Variants in ABCC4 observed in about 807,000 individuals in gnomAD.
The protein encoded by ABCC4 is ATP-binding cassette sub-family C member 4.
A neutral mutation model predicts 168.5 loss-of-function variants in ABCC4; 102 were observed. The observed-to-expected ratio is 0.61, with a 90% confidence interval of 0.52 to 0.71. ABCC4 has a LOEUF of 0.71. Ranked by LOEUF, ABCC4 falls within the 30% of genes least tolerant of loss-of-function variation. The probability of loss-of-function intolerance (pLI) is 0.00; values close to 1 mark genes in which losing one functional copy is unlikely to be tolerated. For missense variants in ABCC4, 1,402 were observed against 1,605.8 expected (o/e 0.87, Z 2.17); for synonymous variants, 617 against 590.7 (o/e 1.04, Z -0.65).
chr13:95,219,869 C>T (rs201996606), intron 4 of ABCC4, among the ~76,000 whole-genome samples: 4 of 65,934 alleles, frequency 6.1e-5, no homozygotes, highest in Non-Finnish European at 8.2e-5. Flanking sequence ...CTTTTTTTTT[C>T]CCCCCGAGAC....
At chr13:95,129,156 CCT>C (rs1468564926) in intron 19 of ABCC4, among the ~76,000 whole-genome samples, 1 of 152,124 alleles carries the variant, frequency 6.6e-6, no homozygotes, top group Non-Finnish European at 1.5e-5. Flanking sequence ...ATTGCATTTA[CCT>C]CTCTTTAAAG....
intron 1 of ABCC4, among the ~76,000 whole-genome samples, chr13:95,271,134 T>C (rs992272971): frequency 6.6e-5 from 10 of 151,992 alleles, no homozygotes; most frequent in African/African-American, 2.4e-4. Flanking sequence ...AGTGGAAAAA[T>C]ACACCCAAGA....
At chr13:95,127,348 C>G (rs572782498) in intron 19 of ABCC4, among the ~76,000 whole-genome samples, 1 of 152,028 alleles carries the variant, frequency 6.6e-6, no homozygotes, top group Admixed American at 6.6e-5. Context: ...TGCAGTAGCC[C>G]GATCTTGGCT....
At chr13:95,219,344 A>G (rs1174283211) in intron 4 of ABCC4, among the ~76,000 whole-genome samples, 2 of 152,202 alleles carry the variant, frequency 1.3e-5, no homozygotes, top group African/African-American at 4.8e-5. Context: ...AAGAAAAAGG[A>G]AAATATGGAG....
At chr13:95,209,727 C>G (rs1678403) in intron 5 of ABCC4, 130 bp from the exon 6 acceptor site, 697,268 of 864,324 alleles carry the variant, frequency 0.81, 282,863 homozygotes, top group Non-Finnish European at 0.84. Context: ...TGGGTTTACA[C>G]CTGCTAAAGC....
At chr13:95,214,884 CAA>C (rs60962674) in intron 4 of ABCC4, among the ~76,000 whole-genome samples, 79 of 88,582 alleles carry the variant, frequency 8.9e-4, no homozygotes, top group African/African-American at 1.4e-3. Context: ...GACTCCAATT[CAA>C]AAAAAAAAAA....
intron 19 of ABCC4, among the ~76,000 whole-genome samples, chr13:95,121,175 G>A (rs1392486515): frequency 6.6e-6 from 1 of 152,052 alleles, no homozygotes; most frequent in Non-Finnish European, 1.5e-5. Flanking sequence ...ACAATACAGG[G>A]CAACTCACCC....
chr13:95,178,242 T>C (rs910520132), intron 11 of ABCC4, 151 bp from the exon 12 acceptor site: 23 of 687,874 alleles, frequency 3.3e-5, no homozygotes, highest in South Asian at 2.2e-4. Context: ...AAATATTTCA[T>C]AGTAACTAAA....
In ABCC4 at chr13:95,081,114, A is replaced by C. The variant is rs539284674; in HGVS notation, c.2686+2026T>G. On this transcript the variant is annotated intron_variant, in intron 21 of 30. Coordinates refer to ENST00000645237, the MANE Select transcript of ABCC4 (RefSeq NM_005845.5). ...CATATTTAACTCATTGTTACAGCCA[A>C]TCAGGGTACAGGAACACCCAAATAT... 2.6e-5 allele frequency among the ~76,000 whole-genome samples: 4 copies of C among 152,308 alleles called. No individual in the cohort carries two copies. In the South Asian group the frequency reaches 6.2e-4, roughly 24 times the overall value.
chr13:95,163,904 T>G (rs2037179807), intron 16 of ABCC4, among the ~76,000 whole-genome samples: 2 of 151,784 alleles, frequency 1.3e-5, no homozygotes, highest in African/African-American at 4.8e-5. Flanking sequence ...CTGGGCATGG[T>G]GGCACATGTG....
At chr13:95,138,119 T>A (rs1243808545) in intron 19 of ABCC4, among the ~76,000 whole-genome samples, 1 of 152,214 alleles carries the variant, frequency 6.6e-6, no homozygotes, top group Non-Finnish European at 1.5e-5. Flanking sequence ...AGTCTGTTGC[T>A]GCCTTTCCAC....
intron 4 of ABCC4, among the ~76,000 whole-genome samples, chr13:95,228,743 G>A (rs1012117746): frequency 2.7e-5 from 4 of 149,140 alleles, no homozygotes; most frequent in South Asian, 2.1e-4. Flanking sequence ...TAGCCTGGGC[G>A]ACAGAGCAAG....
At chr13:95,225,659 G>C (rs2039442906) in intron 4 of ABCC4, among the ~76,000 whole-genome samples, 2 of 152,104 alleles carry the variant, frequency 1.3e-5, no homozygotes, top group Non-Finnish European at 2.9e-5. Flanking sequence ...AACAGAGCGA[G>C]AGTCTGTCTC....
intron 21 of ABCC4, among the ~76,000 whole-genome samples, chr13:95,075,955 T>C (rs2033885900): frequency 6.6e-6 from 1 of 152,204 alleles, no homozygotes; most frequent in Non-Finnish European, 1.5e-5. Flanking sequence ...GTACTCACCA[T>C]ACTGAATTAC....
chr13:95,230,746 G>T (rs1223068323), intron 4 of ABCC4, among the ~76,000 whole-genome samples: 2 of 152,180 alleles, frequency 1.3e-5, no homozygotes, highest in Admixed American at 1.3e-4. Flanking sequence ...CTGCACTCCT[G>T]ACTGGGTGAC....
chr13:95,128,266 G>A (rs1253840767), intron 19 of ABCC4, among the ~76,000 whole-genome samples: 1 of 152,168 alleles, frequency 6.6e-6, no homozygotes, highest in African/African-American at 2.4e-5. Context: ...ACACATTGGA[G>A]TCTATTTAAT....
intron 8 of ABCC4, among the ~76,000 whole-genome samples, chr13:95,198,161 G>A (rs898631895): frequency 6.6e-6 from 1 of 152,152 alleles, no homozygotes; most frequent in Non-Finnish European, 1.5e-5. Flanking sequence ...ACTCTCATCA[G>A]AGTGAACAGG....
At chr13:95,222,698 T>A (rs1347640736) in intron 4 of ABCC4, among the ~76,000 whole-genome samples, 1 of 152,134 alleles carries the variant, frequency 6.6e-6, no homozygotes, top group Non-Finnish European at 1.5e-5. Flanking sequence ...GGAAACCTCA[T>A]TCATATATCA....
chr13:95,246,268 G>A (rs2040103149), intron 3 of ABCC4, among the ~76,000 whole-genome samples: 1 of 152,186 alleles, frequency 6.6e-6, no homozygotes, highest in African/African-American at 2.4e-5. Flanking sequence ...CGACAACAAG[G>A]AAGACACACC....
Sources: gnomAD v4.1 joint callset for allele counts (sites outside exome capture counted in the v4.1 genomes callset) on GRCh38, gnomAD v4.1.1 for gene constraint, MANE v1.5 for transcripts, NCBI Gene and HGNC (gene_info 2026-07-23, HGNC 2026-07-21) for gene names.